Variants in KHNYN observed in about 807,000 individuals in gnomAD.
The protein encoded by KHNYN is protein KHNYN.
KHNYN carries 42 observed loss-of-function variants against 62.7 expected under a neutral mutation model. The observed-to-expected ratio is 0.67, with a 90% CI of 0.52 to 0.87. The LOEUF is 0.87. Among genes scored for constraint, KHNYN ranks in the 40% least tolerant of loss-of-function variants. The pLI, the probability that KHNYN is intolerant of heterozygous loss-of-function variation, is 0.00. For synonymous variants in KHNYN, 347 were observed against 345.6 expected (o/e 1.00, Z -0.04); for missense variants, 829 against 874.1 (o/e 0.95, Z 0.65).
upstream of KHNYN, chr14:24,428,522 G>A (rs1244747215): frequency 8.0e-7 from 1 of 1,252,412 alleles, no homozygotes; most frequent in Non-Finnish European, 1.1e-6. Flanking sequence ...AAGTAGGAGT[G>A]AATAGGAGTG....
At chr14:24,424,986 G>A (rs183035234), upstream of KHNYN, among the ~76,000 whole-genome samples, 10 of 152,280 alleles carry the variant, frequency 6.6e-5, no homozygotes, top group East Asian at 1.7e-3. Context: ...GATCACGTGA[G>A]GCCAGGAGTT....
rs763752526 is a variant in KHNYN at position 24,439,691 on chromosome 14, TGG to T, written c.*2409_*2410del. ...ATTGTAACTTTCAAAACCCCGTCTTTGGGGAAGAATCATCTAGGGTGACATTC... is the reference window on the plus strand; with the variant it reads ...ATTGTAACTTTCAAAACCCCGTCTTTGGAAGAATCATCTAGGGTGACATTC... On this transcript the variant is annotated 3_prime_UTR_variant, in exon 8 of 8. Transcript: ENST00000553935. The T allele has an allele frequency of 6.1e-6, 1 of 163,040 alleles. No individual in the cohort carries two copies. Among genetic ancestry groups the T allele is most frequent in the African/African-American group, 2.4e-5 (1 of 41,940 alleles). 10.1% of individuals were successfully genotyped at this position (163,040 alleles called of 1,614,324 possible). A position where few individuals can be genotyped will look rare whatever the true frequency, so the allele number is the denominator to read the frequency against.
At position 24,431,840 on chromosome 14, in the gene KHNYN, G is replaced by A. The variant is rs1223777871; in HGVS notation, c.579G>A (p.Leu193=). The change falls in exon 3 of 8, where the codon CTG becomes CTA. Residue 193 remains leucine, a synonymous_variant. Transcript: ENST00000553935. ...CTGTCCAGGAGGAGCTGCTGAGTCT[G>A]GTGCAGGAGGCGTCTAGTGGGCAGG... ...PLAVQEELLS[L]VQEASSGQGP... 2 of 1,614,040 alleles carry A rather than the reference G, an allele frequency of 1.2e-6. No homozygotes were observed. The highest frequency in any genetic ancestry group is 1.1e-5 in the South Asian group (1 of 91,088).
chr14:24,431,493 C>A lies in KHNYN; in HGVS notation c.232C>A (p.Leu78Met), dbSNP rs1202971871. Residue 78 changes from leucine to methionine, a missense_variant, in exon 3 of 8, where the codon CTG becomes ATG. Physicochemically the swap from Leu to Met is conservative, Grantham distance 15. Around this residue, in one of 2 missense-constraint regions of KHNYN, gnomAD observed 559 missense variants for 527.0 expected, o/e 1.06. Transcript: ENST00000553935. ...EYLKGLCSPE[L>M]QDEIHYPPKL... ...CCTGAAGGGCCTCTGCAGCCCAGAA[C>A]TGCAGGATGAAATCCACTACCCGCC... 3 of 1,592,684 alleles carry A rather than the reference C, an allele frequency of 1.9e-6. No homozygotes were observed. Among genetic ancestry groups the A allele is most frequent in the East Asian group, 2.3e-5 (1 of 44,378 alleles).
rs1308797293 is a variant in KHNYN, at chr14:24,437,904, A to G, written c.*619A>G. 6.6e-6 allele frequency: 1 copy of G among 152,208 alleles called. No homozygotes were observed. The highest frequency in any genetic ancestry group is 1.5e-5 in the Non-Finnish European group (1 of 68,026). The allele number at this position is 152,208 out of a possible 1,614,324, so 9.4% of individuals were successfully genotyped here. On this transcript the variant is annotated 3_prime_UTR_variant, in exon 8 of 8. Coordinates refer to ENST00000553935, the MANE Select transcript of KHNYN (RefSeq NM_015299.3). The surrounding 1 kb of genome is among the most constrained non-coding windows in gnomAD (Gnocchi z 5.5). Reference sequence around the variant, plus strand: ...ATCAGGGGTAAAAATACCTGTTGGGAGGAGAAATGAGAACATAGAGGAAAG... The same window carrying G: ...ATCAGGGGTAAAAATACCTGTTGGGGGGAGAAATGAGAACATAGAGGAAAG...
chr14:24,431,420 C>T (rs1439497293), intron 2 of KHNYN, 43 bp from the exon 3 acceptor site: 1 of 1,498,842 alleles, frequency 6.7e-7, no homozygotes, highest in Non-Finnish European at 9.0e-7. Context: ...GTGATCTGGG[C>T]CAGTTAGTTT....
rs759690058 is a variant in KHNYN, at chr14:24,432,580, T to C, written c.1319T>C (p.Ile440Thr). The C allele has an allele frequency of 1.9e-5, 31 of 1,608,782 alleles. No homozygotes were observed. The highest frequency in any genetic ancestry group is 2.6e-5 in the Non-Finnish European group (31 of 1,176,136). The change falls in exon 3 of 8, where the codon ATT becomes ACT. Residue 440 changes from isoleucine (I) to threonine (T), a missense_variant. Around this residue, in one of 2 missense-constraint regions of KHNYN, gnomAD observed 270 missense variants for 347.1 expected, o/e 0.78. Coordinates refer to ENST00000553935, the MANE Select transcript of KHNYN (RefSeq NM_015299.3). The surrounding 1 kb of genome is among the most constrained non-coding windows in gnomAD (Gnocchi z 5.6). ...CCTGGCCAGCCAGACCTCCGCCATA[T>C]TGTCATTGACGGCAGCAACGTGGCC... is the stretch of plus-strand genomic sequence containing the variant. ...NVPGQPDLRH[I>T]VIDGSNVAMV...
At chr14:24,428,214 G>T, upstream of KHNYN, 1 of 1,584,264 alleles carries the variant, frequency 6.3e-7, no homozygotes, top group Non-Finnish European at 8.6e-7. Flanking sequence ...TCCACCCGGA[G>T]GTCAGCTGGG....
In KHNYN at chr14:24,431,995, G is replaced by C. The variant is rs2139382861; in HGVS notation, c.734G>C (p.Cys245Ser). 1.2e-6 allele frequency: 2 copies of C among 1,611,626 alleles called. No individual in the cohort carries two copies. Among genetic ancestry groups the C allele is most frequent in the East Asian group, 4.5e-5 (2 of 44,834 alleles). Residue 245 changes from cysteine to serine, a missense_variant, in exon 3 of 8, where the codon TGC (cysteine) becomes TCC (serine). Physicochemically the swap from Cys to Ser is moderately radical, Grantham distance 112 (BLOSUM62 -1). Transcript: ENST00000553935. Reference protein sequence around the residue: ...LDTGSMGPGDCRGARGDTYAV... With the variant: ...LDTGSMGPGDSRGARGDTYAV... ...ACTGGATCTATGGGACCCGGAGATT[G>C]CAGGGGAGCAAGGGGAGACACTTAC...
chr14:24,440,082 C>G lies in KHNYN; in HGVS notation c.*2797C>G, dbSNP rs1368615515. 2 of 1,591,328 alleles carry G rather than the reference C, an allele frequency of 1.3e-6. No individual in the cohort carries two copies. The highest frequency in any genetic ancestry group is 1.7e-6 in the Non-Finnish European group (2 of 1,165,096). On this transcript the variant is annotated 3_prime_UTR_variant, in exon 8 of 8. Transcript: ENST00000553935. The stretch of plus-strand genomic sequence containing the variant: ...GGCCTCAGGCCCTTGCCACGACCTA[C>G]TTAGGCTACAATTTCCTTTAAGGCA...
rs1483882085 is a variant in KHNYN, at chr14:24,438,382, C to T, written c.*1097C>T. On this transcript the variant is annotated 3_prime_UTR_variant, in exon 8 of 8. Transcript: ENST00000553935. ...TTTTCTCTATGGAAGACGTATGTTG[C>T]ATAAAGCAAGGCACACTTCTGCTTT... 1 of 152,714 alleles carries T rather than the reference C, an allele frequency of 6.5e-6. No individual in the cohort carries two copies. Among genetic ancestry groups the T allele is most frequent in the Non-Finnish European group, 1.5e-5 (1 of 68,026 alleles). The allele number at this position is 152,714 out of a possible 1,614,324, so 9.5% of individuals were successfully genotyped here.
upstream of KHNYN, chr14:24,428,848 AG>A (rs1268177561): frequency 6.2e-7 from 1 of 1,612,236 alleles, no homozygotes; most frequent in East Asian, 2.2e-5. Flanking sequence ...CCACTCGCCC[AG>A]GGGGTGCCTC....
chr14:24,431,836 GTC>G lies in KHNYN; in HGVS notation c.577_578del (p.Leu193GlyfsTer6). 6.2e-7 allele frequency: 1 copy of G among 1,614,074 alleles called. No homozygotes were observed. Among genetic ancestry groups the G allele is most frequent in the Non-Finnish European group, 8.5e-7 (1 of 1,180,048 alleles). ...CTGGCTGTCCAGGAGGAGCTGCTGA[GTC>G]TGGTGCAGGAGGCGTCTAGTGGGCA... is the stretch of plus-strand genomic sequence containing the variant. On this transcript the variant is annotated frameshift_variant, in exon 3 of 8. Transcript: ENST00000553935. LOFTEE classifies it high-confidence loss of function.
At chr14:24,431,070 T>G (rs1467517060) in intron 2 of KHNYN, 139 bp downstream of exon 2, 1 of 746,614 alleles carries the variant, frequency 1.3e-6, no homozygotes, top group African/African-American at 1.8e-5. Context: ...ACTGGCAACC[T>G]CAGTGCCCCT....
rs377250847 is a variant in KHNYN, at chr14:24,437,293, C to G, written c.*8C>G. The G allele has an allele frequency of 3.6e-5, 57 of 1,605,212 alleles. No homozygotes were observed. The African/African-American group carries it at 7.3e-4, about 21-fold the overall frequency. On this transcript the variant is annotated 3_prime_UTR_variant, in exon 8 of 8. Transcript: ENST00000553935. The surrounding 1 kb of genome is among the most constrained non-coding windows in gnomAD (Gnocchi z 5.5). The stretch of plus-strand genomic sequence containing the variant: ...CTCAGTCTTAACTTTTGAGCCTCAC[C>G]TGCTTGAGTGGCTGCCGCCCTGTCA...
In KHNYN at chr14:24,437,643, T is replaced by A. The variant is rs10144287; in HGVS notation, c.*358T>A. On this transcript the variant is annotated 3_prime_UTR_variant, in exon 8 of 8. Coordinates refer to ENST00000553935, the MANE Select transcript of KHNYN (RefSeq NM_015299.3). The surrounding 1 kb of genome is among the most constrained non-coding windows in gnomAD (Gnocchi z 5.5). ...GGGTGGGCAGGAAGTGACAGGAAGTTAAGCTGTTCCTCTCCCTGGCTGCTG... is the reference window on the plus strand; with the variant it reads ...GGGTGGGCAGGAAGTGACAGGAAGTAAAGCTGTTCCTCTCCCTGGCTGCTG... The A allele has an allele frequency of 0.12, 23,822 of 197,730 alleles. 3,033 individuals carry two copies. The highest frequency in any genetic ancestry group is 0.35 in the African/African-American group (15,047 of 42,880). 12.2% of individuals were successfully genotyped at this position (197,730 alleles called of 1,614,324 possible). A position where few individuals can be genotyped will look rare whatever the true frequency, so the allele number is the denominator to read the frequency against.
chr14:24,425,566 GCCATCCATC>G (rs1228475652), upstream of KHNYN, among the ~76,000 whole-genome samples: 2 of 152,212 alleles, frequency 1.3e-5, no homozygotes, highest in Non-Finnish European at 2.9e-5. Context: ...TCATAAGGCT[GCCATCCATC>G]CCTGGACTCT....
At chr14:24,434,674 A>G (rs1054401395) in intron 5 of KHNYN, among the ~76,000 whole-genome samples, 30 of 152,182 alleles carry the variant, frequency 2.0e-4, no homozygotes, top group African/African-American at 6.8e-4. Flanking sequence ...AAGTGCTGGG[A>G]TTACAGGCGT....
chr14:24,438,302 C>CA lies in KHNYN; in HGVS notation c.*1019dup, dbSNP rs71815016. On this transcript the variant is annotated 3_prime_UTR_variant, in exon 8 of 8. Coordinates refer to ENST00000553935, the MANE Select transcript of KHNYN (RefSeq NM_015299.3). The stretch of plus-strand genomic sequence containing the variant: ...TGAGATGAACACGTCGATTTTTCAC[C>CA]AATCGATGAAGCCATGCTCTGCAAT... 20,788 of 152,510 alleles carry CA rather than the reference C, an allele frequency of 0.14. 2,822 individuals are homozygous for CA. Among genetic ancestry groups the CA allele is most frequent in the African/African-American group, 0.35 (14,445 of 41,426 alleles). The allele number at this position is 152,510 out of a possible 1,614,324, so 9.4% of individuals were successfully genotyped here. A position where few individuals can be genotyped will look rare whatever the true frequency, so the allele number is the denominator to read the frequency against.
Sources: allele counts gnomAD v4.1 joint callset (sites outside exome capture counted in the v4.1 genomes callset), GRCh38; gene constraint gnomAD v4.1.1; regional missense constraint gnomAD v4.1.1; non-coding constraint Gnocchi (gnomAD v3.1); transcripts MANE v1.5; gene names NCBI Gene and HGNC (gene_info 2026-07-23, HGNC 2026-07-21).